Variants in ROBO2 observed in about 807,000 individuals in gnomAD.
ROBO2 encodes roundabout homolog 2.
In ROBO2, 53 loss-of-function variants were observed where a neutral mutation model predicts 160.8. The ratio of observed to expected loss-of-function variants is 0.33; its 90% CI spans 0.26 to 0.41. ROBO2 has a LOEUF of 0.41. Ranked by LOEUF, ROBO2 falls within the 10% of genes least tolerant of loss-of-function variation. The probability of loss-of-function intolerance (pLI) is 1.00; values close to 1 mark genes in which losing one functional copy is unlikely to be tolerated. For synonymous variants in ROBO2, 664 were observed against 611.7 expected, an observed-to-expected ratio of 1.09 and a Z score of -1.26; for missense variants, 1,577 against 1,722.4, an observed-to-expected ratio of 0.92 and a Z score of 1.49.
chr3:77,308,088 A>G (rs2153419631), intron 2 of ROBO2, among the ~76,000 whole-genome samples: 1 of 150,606 alleles, frequency 6.6e-6, no homozygotes, highest in South Asian at 2.1e-4. Context: ...ATGAAAGGAG[A>G]TATTTCTTTT....
At chr3:77,240,126 G>A (rs1395456504) in intron 2 of ROBO2, among the ~76,000 whole-genome samples, 1 of 152,180 alleles carries the variant, frequency 6.6e-6, no homozygotes, top group Non-Finnish European at 1.5e-5. Flanking sequence ...ATGGGACTGG[G>A]GGCCATGGAG....
At chr3:77,610,223 G>C (rs1054935356) in intron 21 of ROBO2, among the ~76,000 whole-genome samples, 1 of 152,014 alleles carries the variant, frequency 6.6e-6, no homozygotes, top group Non-Finnish European at 1.5e-5. Flanking sequence ...GAAATCTTCA[G>C]AATTGATCTT....
At chr3:76,295,600 C>T (rs1003486736) in intron 2 of ROBO2, among the ~76,000 whole-genome samples, 2 of 152,064 alleles carry the variant, frequency 1.3e-5, no homozygotes, top group Admixed American at 6.6e-5. Context: ...TTACTGTACA[C>T]ACTATTATGT....
chr3:76,244,477 T>A, intron 2 of ROBO2, among the ~76,000 whole-genome samples: 1 of 152,174 alleles, frequency 6.6e-6, no homozygotes, highest in East Asian at 1.9e-4. Context: ...TGGATGGCAA[T>A]GGAGAAAAAT....
intron 2 of ROBO2, among the ~76,000 whole-genome samples, chr3:76,888,418 T>C (rs1023173700): frequency 2.0e-5 from 3 of 151,354 alleles, no homozygotes; most frequent in Admixed American, 6.6e-5. Flanking sequence ...ATGGTGAACA[T>C]CAGCAGGCCC....
chr3:75,977,940 A>G (rs2065174437), intron 2 of ROBO2, among the ~76,000 whole-genome samples: 1 of 151,548 alleles, frequency 6.6e-6, no homozygotes, highest in African/African-American at 2.4e-5. Flanking sequence ...TAGAGACACT[A>G]TCCTAAAACC....
At chr3:77,028,961 A>C (rs1459530189) in intron 2 of ROBO2, among the ~76,000 whole-genome samples, 1 of 152,210 alleles carries the variant, frequency 6.6e-6, no homozygotes, top group Non-Finnish European at 1.5e-5. Context: ...GGCACTGAGT[A>C]TGCGTAGTCT....
chr3:76,047,280 GA>G (rs145063522), intron 2 of ROBO2, among the ~76,000 whole-genome samples: 1 of 152,038 alleles, frequency 6.6e-6, no homozygotes, highest in Non-Finnish European at 1.5e-5. Flanking sequence ...TATTCCTCAT[GA>G]AAAATATAGC....
At chr3:76,485,485 A>C (rs532218123) in intron 2 of ROBO2, among the ~76,000 whole-genome samples, 2 of 152,212 alleles carry the variant, frequency 1.3e-5, no homozygotes, top group South Asian at 4.2e-4. Flanking sequence ...CCCGGTTCCT[A>C]ACAGACCGCA....
chr3:77,577,500 C>T (rs1559649963), exon 15 of ROBO2: 1 of 1,613,266 alleles, frequency 6.2e-7, no homozygotes, highest in Non-Finnish European at 8.5e-7. Context: ...CCCCAAGTGC[C>T]CCACCACAGT....
intron 2 of ROBO2, among the ~76,000 whole-genome samples, chr3:77,438,100 A>G (rs1453770432): frequency 6.6e-6 from 1 of 151,892 alleles, no homozygotes. Context: ...TTCAGATACA[A>G]ACTTTTCAAC....
upstream of ROBO2, among the ~76,000 whole-genome samples, chr3:77,036,973 AT>A (rs567973000): frequency 6.6e-6 from 1 of 151,752 alleles, no homozygotes; most frequent in Non-Finnish European, 1.5e-5. Context: ...TGAGAAATCC[AT>A]TTTTTATATA....
intron 2 of ROBO2, among the ~76,000 whole-genome samples, chr3:76,369,553 T>C (rs2075997660): frequency 6.6e-6 from 1 of 151,972 alleles, no homozygotes; most frequent in African/African-American, 2.4e-5. Flanking sequence ...ATGCCAGCTA[T>C]ATATCTCTGA....
At chr3:77,634,212 C>A (rs1353598585) in intron 23 of ROBO2, 1 of 152,748 alleles carries the variant, frequency 6.5e-6, no homozygotes, top group African/African-American at 2.4e-5. Flanking sequence ...TGCTCAGATA[C>A]AATAATATTA....
intron 5 of ROBO2, among the ~76,000 whole-genome samples, chr3:77,512,844 T>C (rs780219580): frequency 4.6e-5 from 7 of 151,940 alleles, no homozygotes; most frequent in Non-Finnish European, 8.8e-5. Context: ...TTTACTCATA[T>C]AGACATTAAA....
chr3:77,646,241 C>T (rs1423409634), exon 26 of ROBO2: 1 of 434,522 alleles, frequency 2.3e-6, no homozygotes, highest in Non-Finnish European at 4.2e-6. Flanking sequence ...CTCTTAAGTA[C>T]ACCACCCACC....
intron 2 of ROBO2, among the ~76,000 whole-genome samples, chr3:77,419,563 G>A (rs892611732): frequency 6.6e-6 from 1 of 152,150 alleles, no homozygotes; most frequent in African/African-American, 2.4e-5. Context: ...TGTGTGGTGT[G>A]ATCAACTTAA....
intron 1 of ROBO2, among the ~76,000 whole-genome samples, chr3:77,050,233 A>AGG: frequency 6.6e-6 from 1 of 152,192 alleles, no homozygotes; most frequent in African/African-American, 2.4e-5. Context: ...ACAGTTATTG[A>AGG]AAACCAAGCT....
intron 2 of ROBO2, among the ~76,000 whole-genome samples, chr3:76,261,202 G>GTGTA (rs368720562): frequency 0.011 from 751 of 67,142 alleles, 8 homozygotes; most frequent in Admixed American, 0.06. Context: ...GTGTGTGTGT[G>GTGTA]TATATATATA....
Sources: allele counts gnomAD v4.1 joint callset (sites outside exome capture counted in the v4.1 genomes callset), GRCh38; gene constraint gnomAD v4.1.1; transcripts MANE v1.5; gene names NCBI Gene and HGNC (gene_info 2026-07-23, HGNC 2026-07-21).